VWA3B: variants seen among roughly 807,000 people sequenced by gnomAD.
VWA3B encodes the protein von Willebrand factor A domain-containing protein 3B.
In VWA3B, 138 loss-of-function variants were observed where a neutral mutation model predicts 158.3. The observed-to-expected ratio is 0.87, with a 90% CI of 0.76 to 1.00. The LOEUF is 1.00. Ranked by LOEUF, VWA3B falls within the 50% of genes least tolerant of loss-of-function variation. The pLI is 0.00. For missense variants in VWA3B, 1,555 were observed against 1,565.1 expected, an observed-to-expected ratio of 0.99 and a Z score of 0.11; for synonymous variants, 596 against 587.3, an observed-to-expected ratio of 1.01 and a Z score of -0.21.
Position 98,280,477 on chromosome 2 carries a change from C to A in VWA3B, c.3045+9594C>A, listed in dbSNP as rs56153031. On this transcript the variant is annotated intron_variant, in intron 22 of 27. Coordinates refer to ENST00000477737, the MANE Select transcript of VWA3B (RefSeq NM_144992.5). ...CTGTTCTCCACACCCCGGTGCTGCC[C>A]TGGGGTCAGGGAGGGGAAGGAATGT... Among the ~76,000 whole-genome samples the A allele has an allele frequency of 2.6e-5, 4 of 152,182 alleles. No homozygotes were observed. The South Asian group carries it at 8.3e-4, about 32-fold the overall frequency.
At chr2:98,241,530 T>C (rs1175306805) in intron 19 of VWA3B, among the ~76,000 whole-genome samples, 44 of 151,934 alleles carry the variant, frequency 2.9e-4, no homozygotes, top group African/African-American at 2.4e-5. Flanking sequence ...CCCAAAGCTC[T>C]TTATAAAGTC....
At chr2:98,328,139 T>A in the VWA3B span, among the ~76,000 whole-genome samples, 1 of 152,152 alleles carries the variant, frequency 6.6e-6, no homozygotes, top group Non-Finnish European at 1.5e-5. Context: ...CCAATAAAGT[T>A]TTGTGTGTGT....
At chr2:98,273,512 G>A (rs961142289) in intron 22 of VWA3B, among the ~76,000 whole-genome samples, 18 of 152,100 alleles carry the variant, frequency 1.2e-4, no homozygotes, top group Non-Finnish European at 2.9e-5. Context: ...TACCTTCCTC[G>A]CCTGCATGCC....
intron 1 of VWA3B, among the ~76,000 whole-genome samples, chr2:98,090,999 A>G (rs983527077): frequency 1.3e-5 from 2 of 152,094 alleles, no homozygotes; most frequent in African/African-American, 4.8e-5. Context: ...GGCTCAAGCG[A>G]TCTTCTCAAC....
At position 98,256,119 on chromosome 2, in the gene VWA3B, A is replaced by G. The variant is rs1479515235; in HGVS notation, c.2793-5A>G. ...AAATTATTGTTGACTTTTTTTTTTT[A>G]ACAGGCGCTTGAATAAAATTGTTTG... is the stretch of plus-strand genomic sequence containing the variant. On this transcript the variant is annotated splice_region_variant and splice_polypyrimidine_tract_variant and intron_variant, in intron 20 of 27. Coordinates refer to ENST00000477737, the MANE Select transcript of VWA3B (RefSeq NM_144992.5). 6 of 1,611,002 alleles carry G rather than the reference A, an allele frequency of 3.7e-6. No homozygotes were observed. Among genetic ancestry groups the G allele is most frequent in the Non-Finnish European group, 4.2e-6 (5 of 1,179,174 alleles).
At chr2:98,301,773 T>C (rs1690209523) in intron 25 of VWA3B, among the ~76,000 whole-genome samples, 1 of 152,214 alleles carries the variant, frequency 6.6e-6, no homozygotes, top group African/African-American at 2.4e-5. Flanking sequence ...TAATTCTTGG[T>C]AATATATGCA....
intron 14 of VWA3B, among the ~76,000 whole-genome samples, chr2:98,222,433 A>G (rs1281282982): frequency 6.6e-6 from 1 of 152,230 alleles, no homozygotes; most frequent in Non-Finnish European, 1.5e-5. Context: ...CTAAAGGGAC[A>G]CAGCTGCCAG....
intron 22 of VWA3B, among the ~76,000 whole-genome samples, chr2:98,278,561 G>A (rs1326200633): frequency 6.6e-6 from 1 of 152,134 alleles, no homozygotes; most frequent in Non-Finnish European, 1.5e-5. Context: ...GCTAGAAAGG[G>A]GATGGAGTGG....
chr2:98,233,522 A>G (rs1403016458), intron 16 of VWA3B, among the ~76,000 whole-genome samples: 1 of 152,016 alleles, frequency 6.6e-6, no homozygotes, highest in Non-Finnish European at 1.5e-5. Flanking sequence ...TCTGATTTGG[A>G]TTGTTTATCT....
intron 17 of VWA3B, among the ~76,000 whole-genome samples, chr2:98,235,438 T>C (rs1193465440): frequency 6.6e-6 from 1 of 152,062 alleles, no homozygotes; most frequent in Non-Finnish European, 1.5e-5. Context: ...CTTTTTTTTT[T>C]TTTTTGAGGT....
At chr2:98,093,492 AT>A (rs1682500642) in intron 2 of VWA3B, among the ~76,000 whole-genome samples, 1 of 152,210 alleles carries the variant, frequency 6.6e-6, no homozygotes, top group Non-Finnish European at 1.5e-5. Context: ...GTATTAAATA[AT>A]GCTTAATTTC....
At chr2:98,119,419 C>A in intron 3 of VWA3B, 94 bp from the exon 4 acceptor site, 1 of 1,414,610 alleles carries the variant, frequency 7.1e-7, no homozygotes, top group Non-Finnish European at 9.6e-7. Flanking sequence ...ATTGACAACA[C>A]TGTTATGAGT....
intron 8 of VWA3B, 97 bp downstream of exon 8, chr2:98,163,073 G>T: frequency 6.5e-7 from 1 of 1,549,276 alleles, no homozygotes. Flanking sequence ...AGAAGCTCCA[G>T]AGCCCAGCTG....
At chr2:98,093,895 T>C (rs1417097770) in intron 2 of VWA3B, among the ~76,000 whole-genome samples, 2 of 152,216 alleles carry the variant, frequency 1.3e-5, no homozygotes, top group Non-Finnish European at 2.9e-5. Context: ...TATGTGGTGT[T>C]TGTCTTCCTG....
downstream of VWA3B, among the ~76,000 whole-genome samples, chr2:98,318,263 A>T (rs1158641802): frequency 2.0e-5 from 3 of 152,204 alleles, no homozygotes; most frequent in African/African-American, 4.8e-5. Flanking sequence ...ATAAATACAC[A>T]TGTATGTGTA....
At chr2:98,249,624 C>A (rs1686667807) in intron 19 of VWA3B, among the ~76,000 whole-genome samples, 1 of 152,120 alleles carries the variant, frequency 6.6e-6, no homozygotes, top group Non-Finnish European at 1.5e-5. Flanking sequence ...CCCCCCGGAG[C>A]TGCTTGGCAT....
At chr2:98,231,532 G>A (rs1475923860) in intron 16 of VWA3B, among the ~76,000 whole-genome samples, 1 of 152,152 alleles carries the variant, frequency 6.6e-6, no homozygotes, top group Non-Finnish European at 1.5e-5. Flanking sequence ...CAAAGATGCT[G>A]AAGCAATATC....
In VWA3B at chr2:98,312,398, G is replaced by A. The variant is rs147822459; in HGVS notation, c.*49G>A. On this transcript the variant is annotated 3_prime_UTR_variant, in exon 28 of 28. Coordinates refer to ENST00000477737, the MANE Select transcript of VWA3B (RefSeq NM_144992.5). ...TAAGAGACCAGCGTCCTTCCAGGCTGTTCAGACCTCAGCGTTGACACTGAA... is the reference window on the plus strand; with the variant it reads ...TAAGAGACCAGCGTCCTTCCAGGCTATTCAGACCTCAGCGTTGACACTGAA... 50 of 1,558,834 alleles carry A rather than the reference G, an allele frequency of 3.2e-5. No individual in the cohort carries two copies. The East Asian group carries it at 1.1e-3, about 34-fold the overall frequency.
At chr2:98,277,481 T>C (rs1053318989) in intron 22 of VWA3B, among the ~76,000 whole-genome samples, 1 of 152,122 alleles carries the variant, frequency 6.6e-6, no homozygotes, top group Non-Finnish European at 1.5e-5. Flanking sequence ...CCCAGAAAGA[T>C]CAAAAAGGCT....
Sources: gnomAD v4.1 joint callset for allele counts (sites outside exome capture counted in the v4.1 genomes callset) on GRCh38, gnomAD v4.1.1 for gene constraint, MANE v1.5 for transcripts, NCBI Gene and HGNC (gene_info 2026-07-23, HGNC 2026-07-21) for gene names.